Variants in RABGAP1L observed in about 807,000 individuals in gnomAD.
RABGAP1L encodes rab GTPase-activating protein 1-like.
A neutral mutation model predicts 137.7 loss-of-function variants in RABGAP1L; 63 were observed. The ratio of observed to expected loss-of-function variants is 0.46; its 90% CI spans 0.37 to 0.56. RABGAP1L has a LOEUF of 0.56. Among genes scored for constraint, RABGAP1L ranks in the 20% least tolerant of loss-of-function variants. The pLI, the probability that RABGAP1L is intolerant of heterozygous loss-of-function variation, is 0.00. For missense variants in RABGAP1L, 1,095 were observed against 1,244.0 expected, an observed-to-expected ratio of 0.88 and a Z score of 1.80; for synonymous variants, 431 against 433.7, an observed-to-expected ratio of 0.99 and a Z score of 0.08.
At chr1:174,890,797 T>C (rs979841887) in intron 19 of RABGAP1L, among the ~76,000 whole-genome samples, 1 of 152,190 alleles carries the variant, frequency 6.6e-6, no homozygotes, top group African/African-American at 2.4e-5. Context: ...TCTATGTCAG[T>C]TCATGAAGGG....
chr1:174,877,287 C>T, intron 19 of RABGAP1L: 2 of 846,166 alleles, frequency 2.4e-6, no homozygotes, highest in Non-Finnish European at 3.7e-6. Context: ...CTTTTAGTTT[C>T]CTACTGGGGG....
At chr1:174,408,408 G>A (rs973542094) in intron 13 of RABGAP1L, among the ~76,000 whole-genome samples, 9 of 152,050 alleles carry the variant, frequency 5.9e-5, no homozygotes, top group African/African-American at 2.2e-4. Flanking sequence ...ATTCTTTTCT[G>A]TGGCTGCATA....
intron 1 of RABGAP1L, among the ~76,000 whole-genome samples, chr1:174,187,719 C>T (rs1666912045): frequency 6.6e-6 from 1 of 152,056 alleles, no homozygotes; most frequent in Non-Finnish European, 1.5e-5. Flanking sequence ...ATTTTTCGTT[C>T]ACTATCTTAA....
intron 13 of RABGAP1L, among the ~76,000 whole-genome samples, chr1:174,409,948 G>T (rs1314520110): frequency 6.6e-6 from 1 of 152,120 alleles, no homozygotes; most frequent in Non-Finnish European, 1.5e-5. Context: ...TTTGCCCTTT[G>T]CCTTGTGATC....
At chr1:174,953,081 A>C (rs1354684226) in intron 19 of RABGAP1L, among the ~76,000 whole-genome samples, 5 of 151,270 alleles carry the variant, frequency 3.3e-5, no homozygotes, top group South Asian at 4.2e-4. Flanking sequence ...TTCAAATATT[A>C]GTAAGTATTC....
intron 13 of RABGAP1L, among the ~76,000 whole-genome samples, chr1:174,528,538 C>T (rs1664120859): frequency 6.8e-6 from 1 of 148,070 alleles, no homozygotes. Flanking sequence ...CCCATTTTCT[C>T]CTGGTCAGTA....
At chr1:174,823,448 A>G (rs1288812855) in intron 19 of RABGAP1L, among the ~76,000 whole-genome samples, 1 of 152,140 alleles carries the variant, frequency 6.6e-6, no homozygotes, top group Non-Finnish European at 1.5e-5. Flanking sequence ...TCATATTAAC[A>G]TTATGTTTAA....
intron 4 of RABGAP1L, among the ~76,000 whole-genome samples, chr1:174,238,494 C>T (rs1446385064): frequency 2.6e-5 from 4 of 152,092 alleles, no homozygotes; most frequent in Admixed American, 6.5e-5. Flanking sequence ...ATAGACAGGA[C>T]CCTCAGCTGC....
chr1:174,430,733 T>C (rs1029405969), intron 13 of RABGAP1L, among the ~76,000 whole-genome samples: 1 of 152,202 alleles, frequency 6.6e-6, no homozygotes, highest in East Asian at 1.9e-4. Flanking sequence ...TAGGGTTGTC[T>C]AAAGCCACAT....
chr1:174,280,623 T>A (rs1675439637), intron 10 of RABGAP1L, among the ~76,000 whole-genome samples: 1 of 152,224 alleles, frequency 6.6e-6, no homozygotes, highest in Non-Finnish European at 1.5e-5. Flanking sequence ...GTCTGCTTTG[T>A]TCCTGTTTAC....
In RABGAP1L at chr1:174,973,979, GTTTTTTT is replaced by G. The variant is rs58500594; in HGVS notation, c.2545-2078_2545-2072del. On this transcript the variant is annotated intron_variant, in intron 21 of 25. Coordinates refer to ENST00000681986, the MANE Select transcript of RABGAP1L (RefSeq NM_001366446.1). ...GAAATGAGCAGTACAATTGTTTTTT[GTTTTTTT>G]TTTTTTTTTTTTTTTTTTTTGAGAC... Among the ~76,000 whole-genome samples the G allele has an allele frequency of 8.6e-3, 739 of 85,738 alleles. 14 individuals carry two copies. Among genetic ancestry groups the G allele is most frequent in the African/African-American group, 0.021 (601 of 28,338 alleles). 56.2% of individuals were successfully genotyped at this position (85,738 alleles called of 152,430 possible).
intron 15 of RABGAP1L, among the ~76,000 whole-genome samples, chr1:174,694,978 T>G (rs573315817): frequency 1.2e-4 from 18 of 152,314 alleles, no homozygotes; most frequent in Admixed American, 5.2e-4. Context: ...TCATGTGTTT[T>G]TTGGCTGCAT....
chr1:174,387,558 T>G (rs199590847), intron 12 of RABGAP1L, among the ~76,000 whole-genome samples: 1 of 149,258 alleles, frequency 6.7e-6, no homozygotes. Context: ...TTTTTTTTTT[T>G]GGAAGGTAAT....
intron 10 of RABGAP1L, among the ~76,000 whole-genome samples, chr1:174,295,761 C>A (rs2148734589): frequency 6.6e-6 from 1 of 151,904 alleles, no homozygotes; most frequent in South Asian, 2.1e-4. Flanking sequence ...TCAAGTGATC[C>A]TCCCACCTTG....
At chr1:174,910,322 A>T (rs1659852622) in intron 19 of RABGAP1L, among the ~76,000 whole-genome samples, 1 of 152,224 alleles carries the variant, frequency 6.6e-6, no homozygotes, top group South Asian at 2.1e-4. Context: ...GCATTTGGTA[A>T]AATTCAGCAT....
At chr1:174,726,093 T>C (rs1681960153) in intron 17 of RABGAP1L, among the ~76,000 whole-genome samples, 1 of 152,158 alleles carries the variant, frequency 6.6e-6, no homozygotes, top group Non-Finnish European at 1.5e-5. Context: ...ATTATCTTTA[T>C]TGAGTGAAAT....
chr1:174,397,883 C>T lies in RABGAP1L; in HGVS notation c.1710+3738C>T, dbSNP rs77342186. ...AAACTTGTAGATCCTCACAGACTTC[C>T]TCAGGTTTGATAATTTGCGAGAATA... On this transcript the variant is annotated intron_variant, in intron 13 of 25. Coordinates refer to ENST00000681986, the MANE Select transcript of RABGAP1L (RefSeq NM_001366446.1). Among the ~76,000 whole-genome samples, 61 of 152,256 alleles carry T rather than the reference C, an allele frequency of 4.0e-4. No homozygotes were observed. In the East Asian group the frequency reaches 0.011, roughly 27 times the overall value.
intron 13 of RABGAP1L, among the ~76,000 whole-genome samples, chr1:174,571,288 G>A (rs1295230042): frequency 1.3e-5 from 2 of 152,114 alleles, no homozygotes; most frequent in Non-Finnish European, 2.9e-5. Context: ...GTTTTGGGAG[G>A]CAGGGTTGCA....
chr1:174,410,559 G>C (rs1649805406), intron 13 of RABGAP1L, among the ~76,000 whole-genome samples: 1 of 152,098 alleles, frequency 6.6e-6, no homozygotes, highest in African/African-American at 2.4e-5. Flanking sequence ...GGCTGTAGGT[G>C]TGTGGCTTTA....
Sources: gnomAD v4.1 joint callset for allele counts (sites outside exome capture counted in the v4.1 genomes callset) on GRCh38, gnomAD v4.1.1 for gene constraint, MANE v1.5 for transcripts, NCBI Gene and HGNC (gene_info 2026-07-23, HGNC 2026-07-21) for gene names.